Variants in NRXN1 observed in about 807,000 individuals in gnomAD.
NRXN1 encodes the protein neurexin-1.
Under a neutral mutation model 150.9 loss-of-function variants are expected in NRXN1, and 39 were observed. The observed-to-expected ratio is 0.26, with a 90% CI of 0.20 to 0.34. The LOEUF (loss-of-function observed/expected upper bound fraction) is 0.34. NRXN1 is among the 10% of genes least tolerant of loss of function. The pLI, the probability that NRXN1 is intolerant of heterozygous loss-of-function variation, is 1.00. For synonymous variants in NRXN1, 924 were observed against 757.0 expected (o/e 1.22, Z -3.62); for missense variants, 1,815 against 1,949.9 (o/e 0.93, Z 1.30).
chr2:50,047,493 C>T (rs1351887749), intron 21 of NRXN1, among the ~76,000 whole-genome samples: 1 of 152,112 alleles, frequency 6.6e-6, no homozygotes, highest in Non-Finnish European at 1.5e-5. Context: ...TTGATCTTTT[C>T]TCTGGCTTCC....
intron 17 of NRXN1, among the ~76,000 whole-genome samples, chr2:50,277,866 A>G (rs1173291322): frequency 6.6e-6 from 1 of 151,788 alleles, no homozygotes; most frequent in Non-Finnish European, 1.5e-5. Context: ...CTTCTATACA[A>G]TCTACCTTGA....
At chr2:50,606,901 C>T (rs1041706157) in intron 8 of NRXN1, among the ~76,000 whole-genome samples, 3 of 151,856 alleles carry the variant, frequency 2.0e-5, no homozygotes, top group South Asian at 4.2e-4. Context: ...TTAATTGCTT[C>T]GCGTGTTATG....
chr2:50,629,408 A>T (rs950835000), intron 5 of NRXN1, among the ~76,000 whole-genome samples: 4 of 151,662 alleles, frequency 2.6e-5, no homozygotes, highest in African/African-American at 7.2e-5. Context: ...TAAAAAATTT[A>T]AAAACATGCA....
intron 5 of NRXN1, among the ~76,000 whole-genome samples, chr2:50,628,074 T>C (rs1681498912): frequency 6.6e-6 from 1 of 151,954 alleles, no homozygotes; most frequent in African/African-American, 2.4e-5. Context: ...TTGAAGAGTT[T>C]TGGTCCAGTA....
chr2:49,932,085 G>A (rs1670227745), intron 22 of NRXN1, among the ~76,000 whole-genome samples: 1 of 152,120 alleles, frequency 6.6e-6, no homozygotes, highest in Non-Finnish European at 1.5e-5. Flanking sequence ...GTGTGTGCAT[G>A]TGAATATTGC....
At chr2:50,054,895 G>T in intron 20 of NRXN1, 60 bp downstream of exon 20, 1 of 1,075,658 alleles carries the variant, frequency 9.3e-7, no homozygotes, top group Non-Finnish European at 1.3e-6. Flanking sequence ...TTACAATGAA[G>T]TACTACTTGG....
chr2:50,523,169 T>A (rs1661458786), intron 12 of NRXN1, among the ~76,000 whole-genome samples: 1 of 152,108 alleles, frequency 6.6e-6, no homozygotes, highest in Non-Finnish European at 1.5e-5. Context: ...CTGAAAATAA[T>A]AATTTATAAA....
At chr2:50,862,032 T>C (rs1676209890) in intron 5 of NRXN1, among the ~76,000 whole-genome samples, 1 of 151,506 alleles carries the variant, frequency 6.6e-6, no homozygotes, top group Non-Finnish European at 1.5e-5. Flanking sequence ...TGAAACCCTG[T>C]CTCCACTAAA....
rs527836340 is a variant in NRXN1 at position 50,001,652 on chromosome 2, A to C, written c.4128+51619T>G. Among the ~76,000 whole-genome samples, 9 of 152,278 alleles carry C rather than the reference A, an allele frequency of 5.9e-5. No individual in the cohort carries two copies. The South Asian group carries it at 1.7e-3, about 28-fold the overall frequency. ...GAATAATAACATTTAATTTTTAAAT[A>C]AGGTAAAAACGAAATGGGTTAATAA... is the stretch of plus-strand genomic sequence containing the variant. On this transcript the variant is annotated intron_variant, in intron 21 of 22. Transcript: ENST00000401669.
chr2:50,559,030 C>A (rs188554043), intron 8 of NRXN1, among the ~76,000 whole-genome samples: 10 of 152,040 alleles, frequency 6.6e-5, no homozygotes, highest in African/African-American at 2.2e-4. Context: ...TGCAGTGAGC[C>A]GAGATCGCAC....
intron 19 of NRXN1, among the ~76,000 whole-genome samples, chr2:50,075,163 T>C (rs975138117): frequency 6.6e-6 from 1 of 152,244 alleles, no homozygotes; most frequent in Non-Finnish European, 1.5e-5. Flanking sequence ...GTAAAATATC[T>C]GACCTCACAG....
At chr2:50,656,407 T>A in intron 5 of NRXN1, 1 of 776,394 alleles carries the variant, frequency 1.3e-6, no homozygotes, top group Admixed American at 1.7e-5. Flanking sequence ...TCTGAAGAAG[T>A]CACAAATAGG....
intron 5 of NRXN1, among the ~76,000 whole-genome samples, chr2:50,800,581 C>T (rs1291186083): frequency 6.6e-6 from 1 of 152,048 alleles, no homozygotes; most frequent in Admixed American, 6.6e-5. Context: ...CAAAGTTTCA[C>T]TCTTGTTGCC....
At position 50,218,297 on chromosome 2, in the gene NRXN1, T is replaced by C. The variant is rs1453791779; in HGVS notation, c.3546+18492A>G. 2.6e-5 allele frequency among the ~76,000 whole-genome samples: 4 copies of C among 151,942 alleles called. No homozygotes were observed. The East Asian group carries it at 7.8e-4, about 30-fold the overall frequency. On this transcript the variant is annotated intron_variant, in intron 18 of 22. Transcript: ENST00000401669. ...AAGCCCTCAAGAAGTGATTCATGAA[T>C]GAACGAAAAACTTTCCACCTTCAGT...
chr2:49,981,523 C>A (rs902763715), intron 21 of NRXN1, among the ~76,000 whole-genome samples: 1 of 152,002 alleles, frequency 6.6e-6, no homozygotes, highest in African/African-American at 2.4e-5. Context: ...CAGGCATTAT[C>A]AAGTGTAAAT....
intron 17 of NRXN1, among the ~76,000 whole-genome samples, chr2:50,388,497 T>G (rs187800863): frequency 3.5e-4 from 54 of 152,270 alleles, no homozygotes; most frequent in Admixed American, 2.1e-3. Flanking sequence ...TTATCTTTAT[T>G]GCCCTGTATA....
chr2:50,329,681 T>C (rs1449310413), intron 17 of NRXN1, among the ~76,000 whole-genome samples: 3 of 88,716 alleles, frequency 3.4e-5, no homozygotes, highest in African/African-American at 1.3e-4. Context: ...ATATTTTTTT[T>C]TTTCCCCCCC....
At chr2:50,003,247 T>C (rs1684233635) in intron 21 of NRXN1, among the ~76,000 whole-genome samples, 1 of 152,096 alleles carries the variant, frequency 6.6e-6, no homozygotes. Flanking sequence ...GATCAGAGGC[T>C]TGGGGAAGAG....
chr2:50,894,276 A>ATAGC (rs70958632), intron 5 of NRXN1, among the ~76,000 whole-genome samples: 6 of 149,844 alleles, frequency 4.0e-5, no homozygotes, highest in African/African-American at 1.5e-4. Flanking sequence ...AAATAAATAA[A>ATAGC]ATAACAGGAA....
Sources: allele counts gnomAD v4.1 joint callset (sites outside exome capture counted in the v4.1 genomes callset), GRCh38; gene constraint gnomAD v4.1.1; transcripts MANE v1.5; gene names NCBI Gene and HGNC (gene_info 2026-07-23, HGNC 2026-07-21).